The following MAPRE2 variants were observed in gnomAD, a reference collection of about 807,000 sequenced individuals.
MAPRE2 encodes the protein microtubule associated protein RP/EB family member 2.
In MAPRE2, 13 loss-of-function variants were observed where a neutral mutation model predicts 43.2. The observed-to-expected ratio is 0.30, with a 90% CI of 0.20 to 0.48. The LOEUF (loss-of-function observed/expected upper bound fraction) is 0.48. Among genes scored for constraint, MAPRE2 ranks in the 20% least tolerant of loss-of-function variants. The pLI is 0.99. For synonymous variants in MAPRE2, 135 were observed against 148.8 expected (o/e 0.91, Z 0.68); for missense variants, 161 against 400.2 (o/e 0.40, Z 5.10).
intron 4 of MAPRE2, among the ~76,000 whole-genome samples, chr18:35,109,879 G>T (rs965041390): frequency 6.6e-5 from 10 of 151,928 alleles, no homozygotes; most frequent in African/African-American, 2.4e-4. Context: ...TTTTCTGTTT[G>T]TCCCCTCTGT....
At chr18:34,986,489 C>G (rs187729192) in intron 1 of MAPRE2, among the ~76,000 whole-genome samples, 25 of 152,250 alleles carry the variant, frequency 1.6e-4, no homozygotes, top group African/African-American at 6.0e-4. Context: ...CCGGGAAAGA[C>G]GCTATTGATA....
At chr18:35,099,344 G>T (rs1908569549) in intron 3 of MAPRE2, among the ~76,000 whole-genome samples, 1 of 152,250 alleles carries the variant, frequency 6.6e-6, no homozygotes, top group Non-Finnish European at 1.5e-5. Flanking sequence ...GCTGAGCACA[G>T]TGGCTCACAC....
intron 2 of MAPRE2, among the ~76,000 whole-genome samples, chr18:35,086,564 T>C (rs1907891832): frequency 6.6e-6 from 1 of 152,084 alleles, no homozygotes; most frequent in South Asian, 2.1e-4. Context: ...GAATTATCTA[T>C]AAAAATCTAT....
chr18:35,099,725 A>G (rs1908587325), intron 3 of MAPRE2, among the ~76,000 whole-genome samples: 1 of 152,240 alleles, frequency 6.6e-6, no homozygotes, highest in African/African-American at 2.4e-5. Context: ...AGAGCAACAT[A>G]TCACCACCAA....
chr18:34,984,524 T>G (rs1401334814), intron 1 of MAPRE2: 2 of 151,690 alleles, frequency 1.3e-5, no homozygotes, highest in Non-Finnish European at 2.9e-5. Context: ...AAGCAAAAAC[T>G]TGTAATTGTA....
intron 4 of MAPRE2, among the ~76,000 whole-genome samples, chr18:35,112,727 TAA>T (rs1909235881): frequency 6.6e-6 from 1 of 152,214 alleles, no homozygotes; most frequent in South Asian, 2.1e-4. Flanking sequence ...GTAAGATGTA[TAA>T]AAGACACTGC....
chr18:35,049,708 A>G (rs1905838449), intron 1 of MAPRE2, among the ~76,000 whole-genome samples: 1 of 152,182 alleles, frequency 6.6e-6, no homozygotes, highest in Admixed American at 6.5e-5. Flanking sequence ...TCTTCCTGAT[A>G]CTTGTCTGAA....
intron 1 of MAPRE2, among the ~76,000 whole-genome samples, chr18:35,059,247 ACAGAGCTCT>A (rs2150612582): frequency 6.6e-6 from 1 of 152,278 alleles, no homozygotes; most frequent in East Asian, 1.9e-4. Flanking sequence ...GATGCCTAGA[ACAGAGCTCT>A]CATTAAGCTG....
rs1293232625 is a variant in MAPRE2, at chr18:35,142,903, GAT to G, written c.*2535_*2536del. The G allele has an allele frequency of 6.6e-6, 1 of 151,948 alleles. No homozygotes were observed. Among genetic ancestry groups the G allele is most frequent in the African/African-American group, 2.4e-5 (1 of 41,306 alleles). The allele number at this position is 151,948 out of a possible 1,614,324, so 9.4% of individuals were successfully genotyped here. ...ATCGGGCTGGGCAGGAAGCGTCCCTGATTGCGTGCTCCACTTCTCCCTCTCAG... is the reference window on the plus strand; with the variant it reads ...ATCGGGCTGGGCAGGAAGCGTCCCTGTGCGTGCTCCACTTCTCCCTCTCAG... On this transcript the variant is annotated 3_prime_UTR_variant, in exon 7 of 7. Coordinates refer to ENST00000300249, the MANE Select transcript of MAPRE2 (RefSeq NM_014268.4).
At chr18:35,044,262 C>G (rs1273151211) in intron 1 of MAPRE2, among the ~76,000 whole-genome samples, 1 of 152,172 alleles carries the variant, frequency 6.6e-6, no homozygotes, top group African/African-American at 2.4e-5. Context: ...CAGAATTTTG[C>G]TCTTGTTGCC....
chr18:35,096,274 G>C (rs941855537), intron 2 of MAPRE2, among the ~76,000 whole-genome samples: 1 of 152,286 alleles, frequency 6.6e-6, no homozygotes, highest in African/African-American at 2.4e-5. Flanking sequence ...CATAGAGAGA[G>C]ACCAAGAGAT....
At chr18:35,137,013 C>T (rs746656460) in intron 6 of MAPRE2, among the ~76,000 whole-genome samples, 7 of 152,172 alleles carry the variant, frequency 4.6e-5, no homozygotes, top group Non-Finnish European at 5.9e-5. Flanking sequence ...TCTTCATTCT[C>T]GTATAAGGCA....
intron 4 of MAPRE2, among the ~76,000 whole-genome samples, 175 bp downstream of exon 4, chr18:35,102,334 T>A (rs1908717503): frequency 6.6e-6 from 1 of 152,258 alleles, no homozygotes; most frequent in Non-Finnish European, 1.5e-5. Context: ...GACCCATTTG[T>A]CATTAGTCTA....
intron 2 of MAPRE2, among the ~76,000 whole-genome samples, chr18:35,080,564 T>C (rs1452539245): frequency 6.6e-6 from 1 of 152,230 alleles, no homozygotes; most frequent in Non-Finnish European, 1.5e-5. Flanking sequence ...GCATCTGGTT[T>C]CTACACAGTT....
chr18:35,039,837 G>T (rs1248980835), upstream of MAPRE2, among the ~76,000 whole-genome samples: 1 of 152,174 alleles, frequency 6.6e-6, no homozygotes, highest in Non-Finnish European at 1.5e-5. Context: ...ATATATTTAT[G>T]CTGTATCTTT....
At chr18:35,089,581 A>T (rs1908042489) in intron 2 of MAPRE2, among the ~76,000 whole-genome samples, 1 of 152,218 alleles carries the variant, frequency 6.6e-6, no homozygotes, top group African/African-American at 2.4e-5. Context: ...GTCATAGGGA[A>T]ATCAAAGCAA....
At chr18:35,002,653 A>G (rs971159919) in intron 1 of MAPRE2, among the ~76,000 whole-genome samples, 1 of 152,098 alleles carries the variant, frequency 6.6e-6, no homozygotes, top group Admixed American at 6.5e-5. Context: ...TCTTTTATCT[A>G]TAGGCTAATA....
chr18:35,051,887 A>G (rs769715629), intron 1 of MAPRE2, among the ~76,000 whole-genome samples: 2 of 152,228 alleles, frequency 1.3e-5, no homozygotes, highest in African/African-American at 4.8e-5. Flanking sequence ...AAATGCCTCA[A>G]AGAATGTTAG....
At chr18:34,977,414 G>C (rs1205414655) in intron 1 of MAPRE2, among the ~76,000 whole-genome samples, 1 of 152,232 alleles carries the variant, frequency 6.6e-6, no homozygotes, top group Admixed American at 6.5e-5. Context: ...TGAGGGGTGA[G>C]GCTGGGGCTG....
Sources: gnomAD v4.1 joint callset for allele counts (sites outside exome capture counted in the v4.1 genomes callset) on GRCh38, gnomAD v4.1.1 for gene constraint, MANE v1.5 for transcripts, NCBI Gene and HGNC (gene_info 2026-07-23, HGNC 2026-07-21) for gene names.